SOS1: variants seen among roughly 807,000 people sequenced by gnomAD.
SOS1 encodes SOS Ras/Rac guanine nucleotide exchange factor 1.
In SOS1, 25 loss-of-function variants were observed where a neutral mutation model predicts 157.6. That is an observed-to-expected ratio of 0.16 (90% CI 0.12 to 0.22). SOS1 has a LOEUF of 0.22. SOS1 is among the 10% of genes least tolerant of loss of function. The pLI, the probability that SOS1 is intolerant of heterozygous loss-of-function variation, is 1.00. For synonymous variants in SOS1, 528 were observed against 534.0 expected (o/e 0.99, Z 0.16); for missense variants, 1,237 against 1,599.1 (o/e 0.77, Z 3.86).
chr2:39,114,010 C>T (rs530948981), intron 1 of SOS1, among the ~76,000 whole-genome samples: 1 of 152,356 alleles, frequency 6.6e-6, no homozygotes, highest in East Asian at 1.9e-4. Context: ...CCAATGACCC[C>T]TTAGCTGCCA....
intron 1 of SOS1, among the ~76,000 whole-genome samples, chr2:39,072,215 C>T (rs1243723264): frequency 6.6e-6 from 1 of 152,168 alleles, no homozygotes; most frequent in Non-Finnish European, 1.5e-5. Flanking sequence ...CTTATAATTA[C>T]ATGTTCCCTT....
chr2:39,010,220 G>A (rs1034405941), intron 15 of SOS1, among the ~76,000 whole-genome samples: 1 of 151,792 alleles, frequency 6.6e-6, no homozygotes, highest in Admixed American at 6.6e-5. Flanking sequence ...GGAGGCTGAG[G>A]CCTGAGAATT....
intron 21 of SOS1, among the ~76,000 whole-genome samples, chr2:38,988,817 A>T (rs1668629458): frequency 6.6e-6 from 1 of 152,164 alleles, no homozygotes; most frequent in South Asian, 2.1e-4. Context: ...AATTACAATT[A>T]TAAGAAAGTT....
At chr2:39,084,045 C>T (rs1051345251) in intron 1 of SOS1, among the ~76,000 whole-genome samples, 6 of 152,054 alleles carry the variant, frequency 3.9e-5, no homozygotes, top group Non-Finnish European at 7.4e-5. Flanking sequence ...AGACAGACCA[C>T]GTGAAGAAAC....
chr2:39,093,178 T>C (rs145076773), intron 1 of SOS1, among the ~76,000 whole-genome samples: 126 of 152,336 alleles, frequency 8.3e-4, no homozygotes, highest in African/African-American at 2.5e-3. Context: ...CCTACACATA[T>C]AATGAAGATA....
At chr2:39,054,500 C>G in intron 5 of SOS1, 114 bp downstream of exon 5, 1 of 672,796 alleles carries the variant, frequency 1.5e-6, no homozygotes, top group East Asian at 2.7e-5. Flanking sequence ...TTAAGTCCCA[C>G]AACTTAAAAA....
intron 21 of SOS1, among the ~76,000 whole-genome samples, chr2:38,988,527 G>C (rs1253888214): frequency 6.6e-6 from 1 of 151,604 alleles, no homozygotes; most frequent in African/African-American, 2.4e-5. Context: ...TTTTTATTTT[G>C]TCACATGTTA....
intron 1 of SOS1, among the ~76,000 whole-genome samples, chr2:39,109,791 G>A (rs961436693): frequency 2.0e-5 from 3 of 152,118 alleles, no homozygotes; most frequent in African/African-American, 7.2e-5. Flanking sequence ...ATATTGCCTA[G>A]GATACTGGCA....
At chr2:38,988,692 C>CA (rs1176549342) in intron 21 of SOS1, among the ~76,000 whole-genome samples, 13 of 151,678 alleles carry the variant, frequency 8.6e-5, no homozygotes, top group African/African-American at 2.9e-4. Context: ...GAAAGGACAG[C>CA]AAAAAAATAT....
At chr2:39,015,562 C>T (rs10204958) in intron 10 of SOS1, among the ~76,000 whole-genome samples, 105,557 of 151,684 alleles carry the variant, frequency 0.7, 40,394 homozygotes, top group Non-Finnish European at 0.84. Context: ...ACTTTTCATT[C>T]ACATCTCCAT....
At chr2:39,026,653 T>C (rs2124545161) in intron 8 of SOS1, among the ~76,000 whole-genome samples, 1 of 152,296 alleles carries the variant, frequency 6.6e-6, no homozygotes, top group East Asian at 1.9e-4. Context: ...CATTTGAAAC[T>C]ATTTGCCTCT....
chr2:38,991,482 A>G (rs1317209658), intron 20 of SOS1, among the ~76,000 whole-genome samples: 1 of 152,220 alleles, frequency 6.6e-6, no homozygotes, highest in Non-Finnish European at 1.5e-5. Context: ...AGAGCATTTC[A>G]TCATTTTCTC....
chr2:39,026,599 A>C (rs1311093681), intron 8 of SOS1, among the ~76,000 whole-genome samples: 3 of 152,204 alleles, frequency 2.0e-5, no homozygotes, highest in Admixed American at 1.3e-4. Context: ...AGTAGGCTGA[A>C]GGCTGGAATC....
chr2:38,982,651 A>G lies in SOS1; in HGVS notation c.*3173T>C, dbSNP rs562416621. On this transcript the variant is annotated 3_prime_UTR_variant, in exon 23 of 23. Coordinates refer to ENST00000402219, the MANE Select transcript of SOS1 (RefSeq NM_005633.4). ...TGAAGGAACAAAAAGGTTTTCTTCA[A>G]TATGTACAACACTAATAAATTGGGA... 1 of 152,300 alleles carries G rather than the reference A, an allele frequency of 6.6e-6. No homozygotes were observed. The highest frequency in any genetic ancestry group is 2.1e-4 in the South Asian group (1 of 4,822). 9.4% of individuals were successfully genotyped at this position (152,300 alleles called of 1,614,324 possible). A position where few individuals can be genotyped will look rare whatever the true frequency, so the allele number is the denominator to read the frequency against.
intron 8 of SOS1, among the ~76,000 whole-genome samples, chr2:39,025,012 G>A (rs1460337314): frequency 1.3e-5 from 2 of 152,160 alleles, no homozygotes; most frequent in African/African-American, 4.8e-5. Context: ...ATACAGTAAG[G>A]TGGCTATGAT....
At chr2:39,107,239 A>C (rs1243884750) in intron 1 of SOS1, among the ~76,000 whole-genome samples, 3 of 152,250 alleles carry the variant, frequency 2.0e-5, no homozygotes, top group African/African-American at 7.2e-5. Flanking sequence ...TACAGGAAGG[A>C]TAATAGACTG....
chr2:39,039,309 A>T (rs1294916753), intron 6 of SOS1, among the ~76,000 whole-genome samples: 1 of 152,220 alleles, frequency 6.6e-6, no homozygotes, highest in East Asian at 1.9e-4. Flanking sequence ...TGTATAACTT[A>T]GTGTGCACAT....
chr2:39,053,139 C>T (rs1354571774), intron 5 of SOS1, among the ~76,000 whole-genome samples: 1 of 151,640 alleles, frequency 6.6e-6, no homozygotes, highest in Non-Finnish European at 1.5e-5. Context: ...GGCAACAGGC[C>T]GAGACTACGT....
intron 8 of SOS1, among the ~76,000 whole-genome samples, chr2:39,031,870 G>C (rs1670170709): frequency 6.6e-6 from 1 of 152,070 alleles, no homozygotes; most frequent in South Asian, 2.1e-4. Flanking sequence ...AGGGCACAAA[G>C]GAAGTTTTTT....
Sources: allele counts gnomAD v4.1 joint callset (sites outside exome capture counted in the v4.1 genomes callset), GRCh38; gene constraint gnomAD v4.1.1; transcripts MANE v1.5; gene names NCBI Gene and HGNC (gene_info 2026-07-23, HGNC 2026-07-21).